The following ENOX1 variants were observed in gnomAD, a reference collection of about 807,000 sequenced individuals.
ENOX1 encodes ecto-NOX disulfide-thiol exchanger 1.
Under a neutral mutation model 82.5 loss-of-function variants are expected in ENOX1, and 42 were observed. The ratio of observed to expected loss-of-function variants is 0.51; its 90% CI spans 0.40 to 0.66. The LOEUF is 0.66. Among genes scored for constraint, ENOX1 ranks in the 30% least tolerant of loss-of-function variants. The pLI is 0.00. For missense variants in ENOX1, 608 were observed against 811.6 expected (o/e 0.75, Z 3.05); for synonymous variants, 271 against 282.2 (o/e 0.96, Z 0.40).
At chr13:43,745,512 C>G (rs1375480994) in intron 1 of ENOX1, among the ~76,000 whole-genome samples, 10 of 152,110 alleles carry the variant, frequency 6.6e-5, no homozygotes, top group Non-Finnish European at 1.3e-4. Flanking sequence ...AACACATACA[C>G]TATATTTTTA....
chr13:43,322,289 T>A, intron 11 of ENOX1, 95 bp downstream of exon 11: 1 of 899,606 alleles, frequency 1.1e-6, no homozygotes, highest in South Asian at 1.7e-5. Context: ...ATAATTCAAA[T>A]AAAAGTGAGT....
intron 2 of ENOX1, among the ~76,000 whole-genome samples, chr13:43,624,641 A>G (rs979833198): frequency 6.6e-6 from 1 of 152,078 alleles, no homozygotes; most frequent in African/African-American, 2.4e-5. Context: ...CATTTATTTA[A>G]AGAGCATCTT....
chr13:43,256,412 G>A (rs909818421), intron 14 of ENOX1, among the ~76,000 whole-genome samples: 3 of 152,076 alleles, frequency 2.0e-5, no homozygotes, highest in Non-Finnish European at 4.4e-5. Flanking sequence ...CATCTGACAA[G>A]TGATTAAGAA....
At chr13:43,399,221 A>G (rs534552897) in intron 5 of ENOX1, among the ~76,000 whole-genome samples, 1 of 152,372 alleles carries the variant, frequency 6.6e-6, no homozygotes, top group South Asian at 2.1e-4. Flanking sequence ...TTTGGATAAC[A>G]TCAGGCTACT....
At chr13:43,374,144 CAG>C (rs1454831157) in intron 5 of ENOX1, among the ~76,000 whole-genome samples, 132 of 150,340 alleles carry the variant, frequency 8.8e-4, no homozygotes, top group African/African-American at 3.1e-3. Context: ...CTTTCTTTCG[CAG>C]AGACTATCCC....
intron 5 of ENOX1, among the ~76,000 whole-genome samples, chr13:43,362,463 G>T (rs1215652199): frequency 6.6e-6 from 1 of 152,056 alleles, no homozygotes; most frequent in Non-Finnish European, 1.5e-5. Context: ...TACTCTGCAA[G>T]GATGAAACTT....
At chr13:43,516,563 C>G (rs2077568275) in intron 2 of ENOX1, among the ~76,000 whole-genome samples, 1 of 152,170 alleles carries the variant, frequency 6.6e-6, no homozygotes. Flanking sequence ...CTGCAATGAC[C>G]ATCAAAGCCA....
intron 1 of ENOX1, among the ~76,000 whole-genome samples, chr13:43,722,599 T>C (rs2088653714): frequency 6.6e-6 from 1 of 152,166 alleles, no homozygotes; most frequent in Non-Finnish European, 1.5e-5. Context: ...GTGGTAGATA[T>C]TGTTTATTGG....
chr13:43,532,848 GTGTTT>G (rs1390639968), intron 2 of ENOX1, among the ~76,000 whole-genome samples: 1 of 151,060 alleles, frequency 6.6e-6, no homozygotes, highest in Non-Finnish European at 1.5e-5. Flanking sequence ...GTTAAACAAT[GTGTTT>G]TATTTTTAAA....
chr13:43,224,165 A>G lies in ENOX1; in HGVS notation c.1715-27T>C, dbSNP rs1410975845. ...TGAATTAAAAAGGCAAACATTGGAAATTATTCAAAGGCATATGAGAGTCTC... is the reference window on the plus strand; with the variant it reads ...TGAATTAAAAAGGCAAACATTGGAAGTTATTCAAAGGCATATGAGAGTCTC... On this transcript the variant is annotated intron_variant, in intron 15 of 16. Coordinates refer to ENST00000690772, the MANE Select transcript of ENOX1 (RefSeq NM_001347969.2). The G allele has an allele frequency of 3.8e-6, 6 of 1,577,730 alleles. No homozygotes were observed. The African/African-American group carries it at 6.7e-5, about 18-fold the overall frequency.
chr13:43,599,477 G>A (rs2081610262), intron 2 of ENOX1, among the ~76,000 whole-genome samples: 1 of 151,988 alleles, frequency 6.6e-6, no homozygotes, highest in South Asian at 2.1e-4. Context: ...GGAGCATTTA[G>A]ACCAGCCCTA....
chr13:43,587,034 A>T (rs2081027456), intron 2 of ENOX1, among the ~76,000 whole-genome samples: 1 of 151,260 alleles, frequency 6.6e-6, no homozygotes, highest in African/African-American at 2.4e-5. Flanking sequence ...AGATTGTGCC[A>T]CTGCACTCCA....
intron 2 of ENOX1, among the ~76,000 whole-genome samples, chr13:43,595,173 TA>T (rs2081408056): frequency 5.3e-5 from 8 of 150,476 alleles, no homozygotes; most frequent in Admixed American, 4.7e-4. Flanking sequence ...TACCAGATTT[TA>T]AGAGGCTGTT....
At chr13:43,275,922 G>C (rs180884263) in intron 12 of ENOX1, among the ~76,000 whole-genome samples, 2 of 152,244 alleles carry the variant, frequency 1.3e-5, no homozygotes, top group African/African-American at 4.8e-5. Flanking sequence ...TCAGTTTAGG[G>C]GTCAGGAGAA....
chr13:43,502,700 T>G (rs1458040535), intron 2 of ENOX1, among the ~76,000 whole-genome samples: 1 of 151,446 alleles, frequency 6.6e-6, no homozygotes, highest in Admixed American at 6.6e-5. Context: ...AAGAAGAAAC[T>G]TACCTTAACA....
At chr13:43,315,523 A>G (rs2047429560) in intron 11 of ENOX1, among the ~76,000 whole-genome samples, 1 of 152,088 alleles carries the variant, frequency 6.6e-6, no homozygotes, top group South Asian at 2.1e-4. Context: ...TGTCATCTAA[A>G]CTCCTTCAAA....
At chr13:43,610,126 A>C (rs1309995562) in intron 2 of ENOX1, among the ~76,000 whole-genome samples, 1 of 152,238 alleles carries the variant, frequency 6.6e-6, no homozygotes, top group Non-Finnish European at 1.5e-5. Flanking sequence ...TTCTTAGCAC[A>C]TGATATCTAC....
At chr13:43,568,672 G>A (rs2080028100) in intron 2 of ENOX1, among the ~76,000 whole-genome samples, 1 of 128,422 alleles carries the variant, frequency 7.8e-6, no homozygotes, top group Non-Finnish European at 1.6e-5. Flanking sequence ...TCTAGAGCGG[G>A]TCCTACAACT....
At chr13:43,749,353 C>A (rs1035401728) in intron 1 of ENOX1, among the ~76,000 whole-genome samples, 3 of 152,222 alleles carry the variant, frequency 2.0e-5, no homozygotes, top group Non-Finnish European at 4.4e-5. Flanking sequence ...AAAGCCCATA[C>A]AAGAAAGATT....
Sources: gnomAD v4.1 joint callset for allele counts (sites outside exome capture counted in the v4.1 genomes callset) on GRCh38, gnomAD v4.1.1 for gene constraint, MANE v1.5 for transcripts, NCBI Gene and HGNC (gene_info 2026-07-23, HGNC 2026-07-21) for gene names.